MAP4: variants seen among roughly 807,000 people sequenced by gnomAD.
MAP4 encodes the protein microtubule-associated protein 4.
In MAP4, 76 loss-of-function variants were observed where a neutral mutation model predicts 170.2. The observed-to-expected ratio is 0.45, with a 90% CI of 0.37 to 0.54. The LOEUF (loss-of-function observed/expected upper bound fraction) is 0.54, where lower values mean the gene tolerates loss of function less well. Ranked by LOEUF, MAP4 falls within the 20% of genes least tolerant of loss-of-function variation. MAP4 has a pLI of 0.00. For synonymous variants in MAP4, 909 were observed against 994.5 expected (o/e 0.91, Z 1.62); for missense variants, 2,506 against 2,748.0 (o/e 0.91, Z 1.97).
intron 10 of MAP4, among the ~76,000 whole-genome samples, chr3:47,900,126 T>C (rs74456605): frequency 0.012 from 1,877 of 152,280 alleles, 42 homozygotes; most frequent in African/African-American, 0.043. Flanking sequence ...ATCATTACAA[T>C]GAAAGTCAAT....
intron 15 of MAP4, among the ~76,000 whole-genome samples, chr3:47,870,239 G>A (rs2089192086): frequency 6.6e-6 from 1 of 152,114 alleles, no homozygotes; most frequent in African/African-American, 2.4e-5. Flanking sequence ...TTAACCACCG[G>A]AAAATCCTAA....
chr3:48,006,258 T>C (rs1480302709), intron 1 of MAP4, among the ~76,000 whole-genome samples: 3 of 152,170 alleles, frequency 2.0e-5, no homozygotes, highest in Non-Finnish European at 4.4e-5. Flanking sequence ...ACTACTTTAC[T>C]GACAATTTAT....
intron 1 of MAP4, among the ~76,000 whole-genome samples, chr3:48,015,343 T>C (rs1300648475): frequency 6.6e-6 from 1 of 152,198 alleles, no homozygotes; most frequent in Non-Finnish European, 1.5e-5. Flanking sequence ...GGTTAATGTT[T>C]TCTTTTATAC....
intron 1 of MAP4, among the ~76,000 whole-genome samples, chr3:48,033,354 AT>A (rs2100117146): frequency 2.6e-5 from 4 of 152,256 alleles, no homozygotes; most frequent in African/African-American, 9.6e-5. Context: ...TTTATCTTCT[AT>A]TTAACTATCA....
At chr3:47,968,911 A>G (rs2154214279) in intron 3 of MAP4, among the ~76,000 whole-genome samples, 1 of 152,328 alleles carries the variant, frequency 6.6e-6, no homozygotes, top group South Asian at 2.1e-4. Context: ...AGGAGATATC[A>G]CTATGAATCT....
intron 1 of MAP4, among the ~76,000 whole-genome samples, chr3:48,010,422 A>G (rs1662183367): frequency 6.6e-6 from 1 of 152,158 alleles, no homozygotes; most frequent in Admixed American, 6.6e-5. Flanking sequence ...GTGACATAAG[A>G]TTTATTGATT....
intron 1 of MAP4, among the ~76,000 whole-genome samples, chr3:48,029,822 A>G (rs1040014112): frequency 6.6e-6 from 1 of 151,470 alleles, no homozygotes; most frequent in Admixed American, 6.6e-5. Flanking sequence ...ACACGGTGAA[A>G]CCCCGTCTCT....
At chr3:48,051,062 A>C (rs1199889932) in intron 1 of MAP4, among the ~76,000 whole-genome samples, 1 of 151,888 alleles carries the variant, frequency 6.6e-6, no homozygotes, top group African/African-American at 2.4e-5. Context: ...GCAAATGCTA[A>C]TCAAATCACC....
At chr3:47,859,261 A>G (rs1338089535) in intron 17 of MAP4, among the ~76,000 whole-genome samples, 1 of 152,170 alleles carries the variant, frequency 6.6e-6, no homozygotes, top group Non-Finnish European at 1.5e-5. Context: ...TGACTTTCCA[A>G]CACATCAACT....
At position 47,910,764 on chromosome 3, in the gene MAP4, T is replaced by C. The variant is rs1289307228; in HGVS notation, c.3657A>G (p.Lys1219=). Residue 1219 remains lysine, a synonymous_variant, in exon 9 of 21, where the codon AAA becomes AAG. Transcript: ENST00000683076. ...PKKRGNEGKS[K]KFKNNYSTQP... ...GTGTGGAATAATTATTTTTAAACTT[T>C]TTGCTTTTGCCTTCATTGCCTCTCT... The C allele has an allele frequency of 3.3e-5, 51 of 1,536,012 alleles. No individual in the cohort carries two copies. The highest frequency in any genetic ancestry group is 4.1e-5 in the Non-Finnish European group (47 of 1,146,906).
intron 10 of MAP4, among the ~76,000 whole-genome samples, chr3:47,894,577 C>T (rs549980300): frequency 2.7e-5 from 4 of 147,220 alleles, no homozygotes; most frequent in East Asian, 2.0e-4. Flanking sequence ...GGCAAGACTC[C>T]GTCTCAAAAA....
intron 9 of MAP4, among the ~76,000 whole-genome samples, chr3:47,908,612 A>G (rs1201805860): frequency 2.6e-5 from 4 of 152,232 alleles, no homozygotes; most frequent in Non-Finnish European, 4.4e-5. Context: ...ATAAATTGAA[A>G]AAAATCTCAT....
intron 1 of MAP4, among the ~76,000 whole-genome samples, chr3:48,023,185 AG>A (rs2100111418): frequency 6.6e-6 from 1 of 152,030 alleles, no homozygotes; most frequent in South Asian, 2.1e-4. Flanking sequence ...AAAACAGGGG[AG>A]GGGAGCAGTT....
chr3:47,979,755 C>A (rs2100084388), intron 2 of MAP4, among the ~76,000 whole-genome samples: 1 of 152,276 alleles, frequency 6.6e-6, no homozygotes, highest in African/African-American at 2.4e-5. Context: ...GCCACTGTGC[C>A]CAGCCATAAG....
Position 47,909,178 on chromosome 3 carries a change from TCTC to T in MAP4, c.5240_5242del (p.Gly1747del). Reference sequence around the variant, plus strand: ...TCTGCTTTTATCTTCCTTTTTCCCTTCTCCTGGTGTCTTTGATTCAGATTTTTC... The same window carrying T: ...TCTGCTTTTATCTTCCTTTTTCCCTTCTGGTGTCTTTGATTCAGATTTTTC... On this transcript the variant is annotated inframe_deletion, in exon 9 of 21. Transcript: ENST00000683076. 1.9e-6 allele frequency: 3 copies of T among 1,613,954 alleles called. No homozygotes were observed. Among genetic ancestry groups the T allele is most frequent in the Non-Finnish European group, 2.5e-6 (3 of 1,179,876 alleles).
intron 1 of MAP4, among the ~76,000 whole-genome samples, chr3:48,065,814 A>C (rs919741528): frequency 1.3e-5 from 2 of 152,130 alleles, no homozygotes; most frequent in African/African-American, 4.8e-5. Flanking sequence ...GTAAGCCAGA[A>C]GATAATGGAA....
intron 1 of MAP4, among the ~76,000 whole-genome samples, chr3:48,084,358 C>G (rs992883196): frequency 1.3e-5 from 2 of 149,246 alleles, no homozygotes; most frequent in Non-Finnish European, 3.0e-5. Flanking sequence ...TGATCTCCCC[C>G]ACTGCTGACA....
Position 47,910,317 on chromosome 3 carries a change from A to C in MAP4, c.4104T>G (p.Ser1368Arg), listed in dbSNP as rs2100035358. 6.4e-7 allele frequency: 1 copy of C among 1,563,212 alleles called. No homozygotes were observed. The highest frequency in any genetic ancestry group is 1.3e-5 in the African/African-American group (1 of 74,434). Residue 1368 changes from serine (S) to arginine (R), a missense_variant, in exon 9 of 21, where the codon AGT becomes AGG. Physicochemically the swap from Ser to Arg is moderately radical, Grantham distance 110. Transcript: ENST00000683076. ...CAGGAGAACTATTTTTAACCTTTTTACTTTTTCCATCATTACTCCTTTTAC... is the reference window on the plus strand; with the variant it reads ...CAGGAGAACTATTTTTAACCTTTTTCCTTTTTCCATCATTACTCCTTTTAC... ...KPSKRSNDGKSKKVKNSSPEK... is the reference protein window; with the variant it reads ...KPSKRSNDGKRKKVKNSSPEK...
intron 3 of MAP4, among the ~76,000 whole-genome samples, chr3:47,932,965 C>T (rs907138938): frequency 3.9e-5 from 6 of 152,086 alleles, no homozygotes; most frequent in African/African-American, 1.4e-4. Context: ...TGCAGTGGCA[C>T]GATCACAGCT....
Sources: gnomAD v4.1 joint callset for allele counts (sites outside exome capture counted in the v4.1 genomes callset) on GRCh38, gnomAD v4.1.1 for gene constraint, MANE v1.5 for transcripts, NCBI Gene and HGNC (gene_info 2026-07-23, HGNC 2026-07-21) for gene names.